Variants in DOK6 observed in about 807,000 individuals in gnomAD.
DOK6 encodes the protein downstream of tyrosine kinase 6.
Under a neutral mutation model 44.0 loss-of-function variants are expected in DOK6, and 22 were observed. That is an observed-to-expected ratio of 0.50 (90% CI 0.36 to 0.71). The LOEUF is 0.71. Among genes scored for constraint, DOK6 ranks in the 30% least tolerant of loss-of-function variants. The pLI, the probability that DOK6 is intolerant of heterozygous loss-of-function variation, is 0.00. For synonymous variants in DOK6, 166 were observed against 145.5 expected (o/e 1.14, Z -1.01); for missense variants, 340 against 416.4 (o/e 0.82, Z 1.60).
chr18:69,801,727 G>C (rs1357463247), intron 7 of DOK6, among the ~76,000 whole-genome samples: 1 of 152,160 alleles, frequency 6.6e-6, no homozygotes, highest in Non-Finnish European at 1.5e-5. Flanking sequence ...CCACACTGAT[G>C]TTTTAATTAC....
chr18:69,422,051 A>G (rs962976315), intron 1 of DOK6, among the ~76,000 whole-genome samples: 1 of 152,160 alleles, frequency 6.6e-6, no homozygotes, highest in African/African-American at 2.4e-5. Context: ...TGAACCTTCC[A>G]TCATGTGTAC....
At chr18:69,576,328 A>T (rs1983238070) in intron 2 of DOK6, among the ~76,000 whole-genome samples, 1 of 151,498 alleles carries the variant, frequency 6.6e-6, no homozygotes, top group Admixed American at 6.6e-5. Flanking sequence ...CTTGTAACTA[A>T]GCAGTTACTT....
intron 7 of DOK6, among the ~76,000 whole-genome samples, chr18:69,773,492 A>C (rs571556660): frequency 6.6e-6 from 1 of 152,042 alleles, no homozygotes; most frequent in South Asian, 2.1e-4. Flanking sequence ...ATACAATTGA[A>C]TATTATTCAG....
rs978797962 is a variant in DOK6 at position 69,642,623 on chromosome 18, C to T, written c.290-35111C>T. On this transcript the variant is annotated intron_variant, in intron 3 of 7. Transcript: ENST00000382713. ...TTCTTTTTTTATTTCAAAATATTGA[C>T]ATTCTGGAAGAGTTTAGAAACTTGT... is the stretch of plus-strand genomic sequence containing the variant. Among the ~76,000 whole-genome samples the T allele has an allele frequency of 6.6e-5, 10 of 152,144 alleles. No individual in the cohort carries two copies. In the South Asian group the frequency reaches 1.0e-3, roughly 16 times the overall value.
intron 5 of DOK6, among the ~76,000 whole-genome samples, chr18:69,702,138 T>G (rs1986535500): frequency 6.7e-6 from 1 of 150,218 alleles, no homozygotes; most frequent in Non-Finnish European, 1.5e-5. Flanking sequence ...GGGTTGGTTT[T>G]TTTTTTTTTT....
At chr18:69,651,160 C>T (rs778930070) in intron 3 of DOK6, among the ~76,000 whole-genome samples, 4 of 152,068 alleles carry the variant, frequency 2.6e-5, no homozygotes, top group Non-Finnish European at 5.9e-5. Flanking sequence ...CATCTGTGCC[C>T]GTCCTCCCCA....
At chr18:69,402,094 C>A (rs1916112931) in intron 1 of DOK6, among the ~76,000 whole-genome samples, 1 of 152,108 alleles carries the variant, frequency 6.6e-6, no homozygotes, top group African/African-American at 2.4e-5. Flanking sequence ...GTCACCTGGG[C>A]GGGAGCAGCC....
intron 7 of DOK6, among the ~76,000 whole-genome samples, chr18:69,833,153 A>G (rs1376480454): frequency 6.6e-6 from 1 of 152,182 alleles, no homozygotes; most frequent in Non-Finnish European, 1.5e-5. Flanking sequence ...ACAGTATCCC[A>G]ATTCAAATTA....
chr18:69,555,428 A>G (rs1485354414), intron 1 of DOK6, among the ~76,000 whole-genome samples: 1 of 152,222 alleles, frequency 6.6e-6, no homozygotes, highest in Non-Finnish European at 1.5e-5. Flanking sequence ...GGGATATCAT[A>G]TCAGGAAAAG....
chr18:69,664,388 A>G (rs921124104), intron 3 of DOK6, among the ~76,000 whole-genome samples: 4 of 152,266 alleles, frequency 2.6e-5, no homozygotes, highest in Non-Finnish European at 5.9e-5. Flanking sequence ...TACTTCATAT[A>G]AATGGAACAT....
chr18:69,743,093 A>G (rs1978860013), intron 6 of DOK6, among the ~76,000 whole-genome samples: 1 of 152,230 alleles, frequency 6.6e-6, no homozygotes, highest in South Asian at 2.1e-4. Context: ...AGGAGTCTCT[A>G]TACCTTCTTC....
At chr18:69,458,432 C>CAAT (rs776522877) in intron 1 of DOK6, among the ~76,000 whole-genome samples, 63 of 152,188 alleles carry the variant, frequency 4.1e-4, no homozygotes, top group Non-Finnish European at 8.2e-4. Context: ...AACCCAAGGC[C>CAAT]AATATCATAC....
intron 1 of DOK6, among the ~76,000 whole-genome samples, chr18:69,430,771 G>A (rs1198996945): frequency 2.0e-5 from 3 of 151,974 alleles, no homozygotes; most frequent in Admixed American, 2.0e-4. Context: ...GTTTGAGACC[G>A]GCCTGATTAA....
intron 6 of DOK6, 146 bp downstream of exon 6, chr18:69,739,249 T>C (rs1289460706): frequency 3.9e-6 from 4 of 1,028,884 alleles, no homozygotes; most frequent in East Asian, 2.5e-5. Context: ...CCCTCTCATC[T>C]CTCTAATATC....
intron 2 of DOK6, among the ~76,000 whole-genome samples, chr18:69,570,528 A>C (rs922519017): frequency 1.3e-4 from 20 of 152,148 alleles, no homozygotes; most frequent in Non-Finnish European, 2.5e-4. Flanking sequence ...AATTTGAAAA[A>C]GATAATGGCT....
At chr18:69,442,362 G>T (rs927261467) in intron 1 of DOK6, among the ~76,000 whole-genome samples, 14 of 152,282 alleles carry the variant, frequency 9.2e-5, no homozygotes, top group Non-Finnish European at 1.9e-4. Flanking sequence ...CAGCATGGCT[G>T]CAGAGGCCTA....
intron 1 of DOK6, among the ~76,000 whole-genome samples, chr18:69,493,575 A>T (rs1980799063): frequency 6.6e-6 from 1 of 152,242 alleles, no homozygotes; most frequent in Non-Finnish European, 1.5e-5. Flanking sequence ...AGACAAGGCA[A>T]CTAAGGATAA....
At chr18:69,675,087 A>C (rs1985890741) in intron 3 of DOK6, among the ~76,000 whole-genome samples, 1 of 152,168 alleles carries the variant, frequency 6.6e-6, no homozygotes, top group African/African-American at 2.4e-5. Flanking sequence ...TCTGCAAGAG[A>C]CATCTTTATC....
chr18:69,587,770 AACACACAC>A (rs138552349), intron 2 of DOK6, among the ~76,000 whole-genome samples: 1 of 149,056 alleles, frequency 6.7e-6, no homozygotes, highest in Admixed American at 6.7e-5. Flanking sequence ...TGTAAATTTA[AACACACAC>A]ACACACACAC....
Sources: gnomAD v4.1 joint callset for allele counts (sites outside exome capture counted in the v4.1 genomes callset) on GRCh38, gnomAD v4.1.1 for gene constraint, MANE v1.5 for transcripts, NCBI Gene and HGNC (gene_info 2026-07-23, HGNC 2026-07-21) for gene names.